The following SLC35E3 variants were observed in gnomAD, a reference collection of about 807,000 sequenced individuals.
SLC35E3 encodes the protein solute carrier family 35 member E3.
A neutral mutation model predicts 30.8 loss-of-function variants in SLC35E3; 28 were observed. The observed-to-expected ratio is 0.91, with a 90% confidence interval of 0.67 to 1.25. The LOEUF (loss-of-function observed/expected upper bound fraction) is 1.25, where lower values mean the gene tolerates loss of function less well. Ranked by LOEUF, SLC35E3 falls within the 50% of genes most tolerant of loss-of-function variation. The probability of loss-of-function intolerance (pLI) is 0.00; values close to 1 mark genes in which losing one functional copy is unlikely to be tolerated. For missense variants in SLC35E3, 365 were observed against 375.4 expected (o/e 0.97, Z 0.23); for synonymous variants, 146 against 149.2 (o/e 0.98, Z 0.16).
chr12:68,749,087 C>T (rs899613389), intron 2 of SLC35E3, among the ~76,000 whole-genome samples: 2 of 152,192 alleles, frequency 1.3e-5, no homozygotes. Context: ...TTAAACAGAG[C>T]AAGTAATTGT....
At chr12:68,751,171 T>TTTTTTTTTTTTAGACAGAG (rs1878776813) in intron 2 of SLC35E3, among the ~76,000 whole-genome samples, 1 of 152,162 alleles carries the variant, frequency 6.6e-6, no homozygotes, top group African/African-American at 2.4e-5. Flanking sequence ...GGAAAATCTC[T>TTTTTTTTTTTTAGACAGAG]TCTACCATTG....
Position 68,775,338 on chromosome 12 carries a change from A to G in SLC35E3, c.*10448A>G, listed in dbSNP as rs1401194853. ...GAATACCTGAAACTGGGTCATTTAT[A>G]AAGAAAAGGAATTTATTTCTTACAA... On this transcript the variant is annotated 3_prime_UTR_variant, in exon 5 of 5. Coordinates refer to ENST00000398004, the MANE Select transcript of SLC35E3 (RefSeq NM_018656.5). 1 of 152,194 alleles carries G rather than the reference A, an allele frequency of 6.6e-6. No individual in the cohort carries two copies. The highest frequency in any genetic ancestry group is 6.5e-5 in the Admixed American group (1 of 15,272). The allele number at this position is 152,194 out of a possible 1,614,324, so 9.4% of individuals were successfully genotyped here. A position where few individuals can be genotyped will look rare whatever the true frequency, so the allele number is the denominator to read the frequency against.
rs139959373 is a variant in SLC35E3 at position 68,749,669 on chromosome 12, C to T, written c.513+1629C>T. Among the ~76,000 whole-genome samples the T allele has an allele frequency of 2.8e-3, 428 of 152,204 alleles. 3 individuals are homozygous for T. The highest frequency in any genetic ancestry group is 9.7e-3 in the African/African-American group (402 of 41,520). On this transcript the variant is annotated intron_variant, in intron 2 of 4. Transcript: ENST00000398004. ...AGAGGGGCGGTGAGGTAAGACTTTACGGAAAAGTTAACAATTTAAATTGAA... is the reference window on the plus strand; with the variant it reads ...AGAGGGGCGGTGAGGTAAGACTTTATGGAAAAGTTAACAATTTAAATTGAA...
At chr12:68,761,131 G>A (rs1338134037) in intron 4 of SLC35E3, among the ~76,000 whole-genome samples, 2 of 152,222 alleles carry the variant, frequency 1.3e-5, no homozygotes, top group African/African-American at 2.4e-5. Flanking sequence ...AATGTGGTAG[G>A]CTGAGAAGTA....
At position 68,773,118 on chromosome 12, in the gene SLC35E3, A is replaced by G. The variant is rs1475520608; in HGVS notation, c.*8228A>G. ...CCCTTGACCCCATTCCTATTTAAAC[A>G]TCTGGATTCTCTGCCATAACATCTT... On this transcript the variant is annotated 3_prime_UTR_variant, in exon 5 of 5. Coordinates refer to ENST00000398004, the MANE Select transcript of SLC35E3 (RefSeq NM_018656.5). 3.9e-5 allele frequency: 6 copies of G among 152,254 alleles called. No homozygotes were observed. The highest frequency in any genetic ancestry group is 1.5e-5 in the Non-Finnish European group (1 of 68,044). 9.4% of individuals were successfully genotyped at this position (152,254 alleles called of 1,614,324 possible). A position where few individuals can be genotyped will look rare whatever the true frequency, so the allele number is the denominator to read the frequency against.
intron 3 of SLC35E3, among the ~76,000 whole-genome samples, chr12:68,755,118 C>G (rs1415449128): frequency 6.6e-6 from 1 of 152,194 alleles, no homozygotes; most frequent in East Asian, 1.9e-4. Context: ...AGAGGAGAAG[C>G]AAGCTCTCTT....
At position 68,764,951 on chromosome 12, in the gene SLC35E3, C is replaced by A; in HGVS notation, c.*61C>A. On this transcript the variant is annotated 3_prime_UTR_variant, in exon 5 of 5. Coordinates refer to ENST00000398004, the MANE Select transcript of SLC35E3 (RefSeq NM_018656.5). ...AAGATAAAAAATATTGTTAAGTGTG[C>A]AAGTTATTAAAAAAAAAAAATTGGG... The A allele has an allele frequency of 6.6e-7, 1 of 1,507,788 alleles. No individual in the cohort carries two copies. The highest frequency in any genetic ancestry group is 9.0e-7 in the Non-Finnish European group (1 of 1,114,736). The allele number at this position is 1,507,788 out of a possible 1,614,324, so 93.4% of individuals were successfully genotyped here.
Position 68,777,250 on chromosome 12 carries a change from G to A in SLC35E3, c.*12360G>A, listed in dbSNP as rs1349371112. 6.6e-6 allele frequency: 1 copy of A among 152,166 alleles called. No homozygotes were observed. The highest frequency in any genetic ancestry group is 1.9e-4 in the East Asian group (1 of 5,204). 9.4% of individuals were successfully genotyped at this position (152,166 alleles called of 1,614,324 possible). A position where few individuals can be genotyped will look rare whatever the true frequency, so the allele number is the denominator to read the frequency against. ...GACATTGGTGAGCAACTGTGTGCTG[G>A]GAGGAAATGGCTGCTTATTGGCATG... On this transcript the variant is annotated 3_prime_UTR_variant, in exon 5 of 5. Transcript: ENST00000398004.
intron 2 of SLC35E3, among the ~76,000 whole-genome samples, chr12:68,748,758 C>G (rs980827502): frequency 2.0e-5 from 3 of 152,040 alleles, no homozygotes; most frequent in African/African-American, 7.2e-5. Context: ...ATACTGAAAA[C>G]CTTGGTCTGG....
At chr12:68,754,988 CAGTTCTGA>C (rs1878950246) in intron 3 of SLC35E3, among the ~76,000 whole-genome samples, 1 of 152,200 alleles carries the variant, frequency 6.6e-6, no homozygotes, top group African/African-American at 2.4e-5. Context: ...TCATTTCTCA[CAGTTCTGA>C]AGTCTGGAAG....
At chr12:68,747,725 A>G (rs565354713) in intron 1 of SLC35E3, among the ~76,000 whole-genome samples, 2 of 152,260 alleles carry the variant, frequency 1.3e-5, no homozygotes, top group Non-Finnish European at 1.5e-5. Flanking sequence ...TTAAATGTGA[A>G]TATCAATATA....
In SLC35E3 at chr12:68,773,327, C is replaced by A. The variant is rs1419900167; in HGVS notation, c.*8437C>A. 6.6e-6 allele frequency: 1 copy of A among 152,130 alleles called. No homozygotes were observed. The allele number at this position is 152,130 out of a possible 1,614,324, so 9.4% of individuals were successfully genotyped here. A position where few individuals can be genotyped will look rare whatever the true frequency, so the allele number is the denominator to read the frequency against. On this transcript the variant is annotated 3_prime_UTR_variant, in exon 5 of 5. Coordinates refer to ENST00000398004, the MANE Select transcript of SLC35E3 (RefSeq NM_018656.5). ...TTGAGGAGATGGAATCTCCTGGAAT[C>A]TCAAAAAGGATTTCCTTTAGGAATC... is the stretch of plus-strand genomic sequence containing the variant.
In SLC35E3 at chr12:68,765,983, T is replaced by A. The variant is rs145792587; in HGVS notation, c.*1093T>A. On this transcript the variant is annotated 3_prime_UTR_variant, in exon 5 of 5. Transcript: ENST00000398004. ...GAGTATTCAAATCAGAATTTAAATC[T>A]AGTGTTTCTATTTTAGTTTAGCTTC... The A allele has an allele frequency of 9.9e-5, 15 of 152,094 alleles. No individual in the cohort carries two copies. Among genetic ancestry groups the A allele is most frequent in the African/African-American group, 3.4e-4 (14 of 41,490 alleles). The allele number at this position is 152,094 out of a possible 1,614,324, so 9.4% of individuals were successfully genotyped here. A position where few individuals can be genotyped will look rare whatever the true frequency, so the allele number is the denominator to read the frequency against.
chr12:68,762,433 G>A (rs948761273), intron 4 of SLC35E3, among the ~76,000 whole-genome samples: 12 of 152,066 alleles, frequency 7.9e-5, no homozygotes, highest in African/African-American at 2.7e-4. Context: ...GTCAGATGCC[G>A]CTGGCAGGCC....
In SLC35E3 at chr12:68,767,406, A is replaced by G. The variant is rs1879461866; in HGVS notation, c.*2516A>G. The G allele has an allele frequency of 6.6e-6, 1 of 151,540 alleles. No individual in the cohort carries two copies. Among genetic ancestry groups the G allele is most frequent in the Non-Finnish European group, 1.5e-5 (1 of 68,018 alleles). 9.4% of individuals were successfully genotyped at this position (151,540 alleles called of 1,614,324 possible). A position where few individuals can be genotyped will look rare whatever the true frequency, so the allele number is the denominator to read the frequency against. Reference sequence around the variant, plus strand: ...GTGGCACGTGCCTGTAGCTCCATCTACTCAGGAGGCTGAGGTGGGAGGATT... The same window carrying G: ...GTGGCACGTGCCTGTAGCTCCATCTGCTCAGGAGGCTGAGGTGGGAGGATT... On this transcript the variant is annotated 3_prime_UTR_variant, in exon 5 of 5. Transcript: ENST00000398004.
At position 68,774,841 on chromosome 12, in the gene SLC35E3, T is replaced by C. The variant is rs1414468246; in HGVS notation, c.*9951T>C. On this transcript the variant is annotated 3_prime_UTR_variant, in exon 5 of 5. Coordinates refer to ENST00000398004, the MANE Select transcript of SLC35E3 (RefSeq NM_018656.5). ...TCTCTTAAAAAAAAAAAAAAAAAGATAAAATAAAAGAAATTGGGTCTTGTG... is the reference window on the plus strand; with the variant it reads ...TCTCTTAAAAAAAAAAAAAAAAAGACAAAATAAAAGAAATTGGGTCTTGTG... The C allele has an allele frequency of 2.9e-5, 3 of 104,488 alleles. No homozygotes were observed. Among genetic ancestry groups the C allele is most frequent in the African/African-American group, 1.2e-4 (3 of 25,662 alleles). 6.5% of individuals were successfully genotyped at this position (104,488 alleles called of 1,614,324 possible).
intron 2 of SLC35E3, among the ~76,000 whole-genome samples, chr12:68,751,304 T>TG (rs200160012): frequency 8.8e-5 from 13 of 148,352 alleles, no homozygotes; most frequent in South Asian, 2.1e-4. Flanking sequence ...TGTCTTTGTT[T>TG]TTTTTTTTTT....
Position 68,774,460 on chromosome 12 carries a change from C to G in SLC35E3, c.*9570C>G, listed in dbSNP as rs1879683779. 1 of 152,170 alleles carries G rather than the reference C, an allele frequency of 6.6e-6. No homozygotes were observed. Among genetic ancestry groups the G allele is most frequent in the African/African-American group, 2.4e-5 (1 of 41,360 alleles). The allele number at this position is 152,170 out of a possible 1,614,324, so 9.4% of individuals were successfully genotyped here. A position where few individuals can be genotyped will look rare whatever the true frequency, so the allele number is the denominator to read the frequency against. On this transcript the variant is annotated 3_prime_UTR_variant, in exon 5 of 5. Coordinates refer to ENST00000398004, the MANE Select transcript of SLC35E3 (RefSeq NM_018656.5). ...TGGGCGTAGTGGCTTATGCCTGTAA[C>G]CCCAGCTACTCGGCAGGCTGAGACA...
intron 3 of SLC35E3, among the ~76,000 whole-genome samples, chr12:68,752,651 G>A (rs1443728272): frequency 6.6e-6 from 1 of 151,636 alleles, no homozygotes; most frequent in Non-Finnish European, 1.5e-5. Context: ...TGGGCAGATC[G>A]TTTGAGCCCA....
Sources: allele counts gnomAD v4.1 joint callset (sites outside exome capture counted in the v4.1 genomes callset), GRCh38; gene constraint gnomAD v4.1.1; transcripts MANE v1.5; gene names NCBI Gene and HGNC (gene_info 2026-07-23, HGNC 2026-07-21).